Variants in PCDHA13 observed in about 807,000 individuals in gnomAD.
PCDHA13 encodes protocadherin alpha 13.
Under a neutral mutation model 64.8 loss-of-function variants are expected in PCDHA13, and 54 were observed. That is an observed-to-expected ratio of 0.83 (90% confidence interval 0.67 to 1.04). The LOEUF (loss-of-function observed/expected upper bound fraction) is 1.04. Ranked by LOEUF, PCDHA13 falls within the 50% of genes least tolerant of loss-of-function variation. The pLI is 0.00. For missense variants in PCDHA13, 1,248 were observed against 1,254.3 expected, an observed-to-expected ratio of 0.99 and a Z score of 0.08; for synonymous variants, 587 against 564.4, an observed-to-expected ratio of 1.04 and a Z score of -0.57.
At chr5:140,962,790 C>T (rs899867239) in intron 1 of PCDHA13, among the ~76,000 whole-genome samples, 28 of 152,286 alleles carry the variant, frequency 1.8e-4, no homozygotes, top group African/African-American at 6.0e-4. Flanking sequence ...TTAAAAACTA[C>T]TTTGGACAAC....
chr5:140,883,339 C>T lies in PCDHA13; in HGVS notation c.1071C>T (p.Leu357=), dbSNP rs142984869. ...APEVTITSLS[L]PIREDTQPSA... is the part of the protein sequence containing the mutation. ...AGGTTACCATCACTTCTTTGTCACT[C>T]CCCATCAGAGAAGACACTCAGCCTA... The change falls in exon 1 of 4, where the codon CTC becomes CTT. Residue 357 remains leucine, a synonymous_variant. Coordinates refer to ENST00000289272, the MANE Select transcript of PCDHA13 (RefSeq NM_018904.3). 2 of 1,614,172 alleles carry T rather than the reference C, an allele frequency of 1.2e-6. No homozygotes were observed. The highest frequency in any genetic ancestry group is 3.3e-5 in the Admixed American group (2 of 60,020).
At chr5:140,931,507 T>C (rs564431042) in intron 1 of PCDHA13, among the ~76,000 whole-genome samples, 1 of 152,016 alleles carries the variant, frequency 6.6e-6, no homozygotes, top group African/African-American at 2.4e-5. Flanking sequence ...TTTAAACATA[T>C]ATGAATGATT....
intron 2 of PCDHA13, among the ~76,000 whole-genome samples, chr5:140,980,278 GAAAAGT>G (rs1267614144): frequency 6.6e-6 from 1 of 152,166 alleles, no homozygotes; most frequent in Non-Finnish European, 1.5e-5. Context: ...ACCAACTCTT[GAAAAGT>G]ACCAAAGCTA....
At chr5:140,999,666 G>A (rs185222092) in intron 3 of PCDHA13, among the ~76,000 whole-genome samples, 194 of 152,216 alleles carry the variant, frequency 1.3e-3, no homozygotes, top group African/African-American at 4.4e-3. Flanking sequence ...GCTGGGTTGC[G>A]GGGGGCTCAC....
Position 140,982,498 on chromosome 5 carries a change from G to A in PCDHA13, c.2477G>A (p.Gly826Asp), listed in dbSNP as rs782347331. The change falls in exon 3 of 4, where the codon GGC becomes GAC. Residue 826 changes from glycine to aspartate, a missense_variant. By Grantham distance (94) the Gly-to-Asp change is moderately conservative. Transcript: ENST00000289272. ...AGCTCTGTGCACCTAGAGGAGGCTG[G>A]CATTCTACGGGCTGGTCCAGGAGGG... Reference protein sequence around the residue: ...MHSSVHLEEAGILRAGPGGPD... With the variant: ...MHSSVHLEEADILRAGPGGPD... 6 of 1,614,062 alleles carry A rather than the reference G, an allele frequency of 3.7e-6. No homozygotes were observed. The Admixed American group carries it at 5.0e-5, about 13-fold the overall frequency.
intron 1 of PCDHA13, among the ~76,000 whole-genome samples, chr5:140,893,701 C>A (rs1297465606): frequency 6.6e-6 from 1 of 152,104 alleles, no homozygotes; most frequent in African/African-American, 2.4e-5. Context: ...TCTATCCTAG[C>A]CTGTAAAGCT....
Position 141,011,828 on chromosome 5 carries a change from T to C in PCDHA13, c.*1891T>C, listed in dbSNP as rs76856184. The C allele has an allele frequency of 2.5e-3, 389 of 153,920 alleles. 1 individual carries two copies. Among genetic ancestry groups the C allele is most frequent in the African/African-American group, 9.1e-3 (378 of 41,598 alleles). The allele number at this position is 153,920 out of a possible 1,614,324, so 9.5% of individuals were successfully genotyped here. ...GCTCATAGAAAGTAACAAAATTTGC[T>C]GTCACCTTAAATAAGACATTTTAAT... On this transcript the variant is annotated 3_prime_UTR_variant, in exon 4 of 4. Transcript: ENST00000289272.
chr5:140,994,568 G>T (rs1240135648), intron 3 of PCDHA13, among the ~76,000 whole-genome samples: 1 of 151,992 alleles, frequency 6.6e-6, no homozygotes, highest in Non-Finnish European at 1.5e-5. Context: ...AGCCGGGTGT[G>T]GTGGCATGCA....
In PCDHA13 at chr5:141,009,880, C is replaced by G; in HGVS notation, c.2796C>G (p.Asn932Lys). The G allele has an allele frequency of 6.2e-7, 1 of 1,613,788 alleles. No individual in the cohort carries two copies. The highest frequency in any genetic ancestry group is 1.1e-5 in the South Asian group (1 of 91,042). The change falls in exon 4 of 4, where the codon AAC (asparagine) becomes AAG (lysine). Residue 932 changes from asparagine to lysine, a missense_variant. By Grantham distance (94) the Asn-to-Lys change is moderately conservative. Transcript: ENST00000289272. ...TKKKKKKKKGNKTQEKKEKGN... is the reference protein window; with the variant it reads ...TKKKKKKKKGKKTQEKKEKGN... ...AAAAGAAGAAAAAGAAGAAGGGTAA[C>G]AAGACCCAGGAGAAAAAAGAGAAAG...
chr5:140,923,333 T>C lies in PCDHA13; in HGVS notation c.2394+38671T>C, dbSNP rs180734722. Among the ~76,000 whole-genome samples the C allele has an allele frequency of 8.0e-3, 1,225 of 152,228 alleles. 6 individuals are homozygous for C. The highest frequency in any genetic ancestry group is 0.019 in the African/African-American group (792 of 41,544). On this transcript the variant is annotated intron_variant, in intron 1 of 3. Coordinates refer to ENST00000289272, the MANE Select transcript of PCDHA13 (RefSeq NM_018904.3). ...CTTGGCCTAGAAGTTCAAGGACAGT[T>C]TGGGCAACATAGTGGGACCCTATCT...
chr5:140,997,958 G>A (rs890356748), intron 3 of PCDHA13, among the ~76,000 whole-genome samples: 3 of 152,126 alleles, frequency 2.0e-5, no homozygotes, highest in Non-Finnish European at 2.9e-5. Context: ...TGGCATTCAC[G>A]TACCTGTGGT....
chr5:140,954,978 A>C (rs1268797182), intron 1 of PCDHA13, among the ~76,000 whole-genome samples: 2 of 152,176 alleles, frequency 1.3e-5, no homozygotes, highest in African/African-American at 4.8e-5. Context: ...GTCCAGTTTC[A>C]ATTTTCTGCA....
intron 1 of PCDHA13, chr5:140,926,592 C>T: frequency 3.3e-6 from 1 of 298,858 alleles, no homozygotes; most frequent in Non-Finnish European, 6.1e-6. Flanking sequence ...CGCGCCCGGG[C>T]GGGCGGCCTC....
In PCDHA13 at chr5:140,967,289, C is replaced by A. The variant is rs782440125; in HGVS notation, c.2395-11660C>A. ...CTTTCACATAGAGAGTGCGCAGGAC[C>A]CCGACGTGGGCGCCAACTCAGTACA... On this transcript the variant is annotated intron_variant, in intron 1 of 3. Transcript: ENST00000289272. 3 of 1,612,910 alleles carry A rather than the reference C, an allele frequency of 1.9e-6. No homozygotes were observed. The East Asian group carries it at 6.7e-5, about 36-fold the overall frequency.
At chr5:140,992,587 A>C (rs1393295001) in intron 3 of PCDHA13, among the ~76,000 whole-genome samples, 2 of 152,186 alleles carry the variant, frequency 1.3e-5, no homozygotes, top group African/African-American at 2.4e-5. Context: ...CCTTGTATGC[A>C]TCTAGCGTCT....
intron 1 of PCDHA13, among the ~76,000 whole-genome samples, chr5:140,945,037 T>C (rs2093728945): frequency 6.6e-6 from 1 of 152,178 alleles, no homozygotes; most frequent in Non-Finnish European, 1.5e-5. Context: ...TAATTATCTT[T>C]GGTCTTATAT....
chr5:141,000,647 C>G (rs1442819157), intron 3 of PCDHA13, among the ~76,000 whole-genome samples: 1 of 151,182 alleles, frequency 6.6e-6, no homozygotes, highest in Non-Finnish European at 1.5e-5. Context: ...AGGCTGGTCT[C>G]GAACTCCTGA....
intron 3 of PCDHA13, among the ~76,000 whole-genome samples, chr5:140,993,305 G>C (rs1405035028): frequency 6.6e-6 from 1 of 151,998 alleles, no homozygotes; most frequent in African/African-American, 2.4e-5. Flanking sequence ...CTTGCCTCCA[G>C]GATAATACCT....
At chr5:140,913,667 G>A (rs2076425699) in intron 1 of PCDHA13, among the ~76,000 whole-genome samples, 2 of 152,000 alleles carry the variant, frequency 1.3e-5, no homozygotes, top group South Asian at 2.1e-4. Flanking sequence ...GTATAGTTAG[G>A]TTATTTAAAA....
Sources: gnomAD v4.1 joint callset for allele counts (sites outside exome capture counted in the v4.1 genomes callset) on GRCh38, gnomAD v4.1.1 for gene constraint, MANE v1.5 for transcripts, NCBI Gene and HGNC (gene_info 2026-07-23, HGNC 2026-07-21) for gene names.